Variants in SLC9A9 observed in about 807,000 individuals in gnomAD.
The protein encoded by SLC9A9 is solute carrier family 9 member A9, also known as sodium/hydrogen exchanger 9.
SLC9A9 carries 62 observed loss-of-function variants against 77.8 expected under a neutral mutation model. That is an observed-to-expected ratio of 0.80 (90% CI 0.65 to 0.98). The LOEUF is 0.98. SLC9A9 is among the 50% of genes least tolerant of loss of function. SLC9A9 has a pLI of 0.00. For missense variants in SLC9A9, 775 were observed against 774.9 expected (o/e 1.00, Z 0.00); for synonymous variants, 320 against 283.5 (o/e 1.13, Z -1.29).
At chr3:143,436,987 T>TATTA (rs965281485) in intron 12 of SLC9A9, among the ~76,000 whole-genome samples, 35 of 152,356 alleles carry the variant, frequency 2.3e-4, no homozygotes, top group African/African-American at 7.9e-4. Flanking sequence ...ATTTCCCTGT[T>TATTA]ACATCTCAAA....
intron 4 of SLC9A9, among the ~76,000 whole-genome samples, chr3:143,695,325 TC>T (rs1472062372): frequency 6.6e-6 from 1 of 152,100 alleles, no homozygotes; most frequent in East Asian, 1.9e-4. Context: ...CCTAATGCTG[TC>T]CCTTCCCTAG....
intron 4 of SLC9A9, among the ~76,000 whole-genome samples, chr3:143,703,655 G>A (rs9836173): frequency 0.53 from 80,787 of 151,606 alleles, 21,881 homozygotes; most frequent in Non-Finnish European, 0.57. Context: ...GTATCTTAAC[G>A]AACCAGAAAA....
At chr3:143,477,337 T>TC (rs1399320438) in intron 11 of SLC9A9, among the ~76,000 whole-genome samples, 4 of 143,824 alleles carry the variant, frequency 2.8e-5, no homozygotes, top group Admixed American at 2.8e-4. Flanking sequence ...TCAATTTTTT[T>TC]TTTTTTTTTT....
intron 4 of SLC9A9, among the ~76,000 whole-genome samples, chr3:143,697,714 A>ACACACACC (rs1244265028): frequency 7.1e-6 from 1 of 140,340 alleles, no homozygotes; most frequent in African/African-American, 2.6e-5. Flanking sequence ...ACACACACAC[A>ACACACACC]CCCCACATAC....
intron 4 of SLC9A9, among the ~76,000 whole-genome samples, chr3:143,763,459 T>G (rs576987033): frequency 6.6e-6 from 1 of 152,202 alleles, no homozygotes; most frequent in Non-Finnish European, 1.5e-5. Context: ...TGATGTGTTA[T>G]TTTGTCACTG....
At chr3:143,672,397 A>C (rs898467135) in intron 5 of SLC9A9, among the ~76,000 whole-genome samples, 1 of 152,230 alleles carries the variant, frequency 6.6e-6, no homozygotes, top group Non-Finnish European at 1.5e-5. Context: ...GAACACAATT[A>C]AATATTGAAA....
At chr3:143,606,078 T>C (rs1290374185) in intron 6 of SLC9A9, among the ~76,000 whole-genome samples, 1 of 152,066 alleles carries the variant, frequency 6.6e-6, no homozygotes, top group African/African-American at 2.4e-5. Context: ...CTCATTTCAT[T>C]CTAACATTGT....
At chr3:143,489,148 A>G (rs911141302) in intron 11 of SLC9A9, among the ~76,000 whole-genome samples, 2 of 152,078 alleles carry the variant, frequency 1.3e-5, no homozygotes, top group African/African-American at 4.8e-5. Flanking sequence ...TAGCATCAAA[A>G]ATATTAAAAT....
intron 6 of SLC9A9, among the ~76,000 whole-genome samples, chr3:143,636,630 C>T (rs1466083007): frequency 6.6e-6 from 1 of 152,188 alleles, no homozygotes; most frequent in Non-Finnish European, 1.5e-5. Flanking sequence ...TCCACCCTTC[C>T]ACCTTTTGGA....
chr3:143,720,314 A>G (rs940781933), intron 4 of SLC9A9, among the ~76,000 whole-genome samples: 1 of 151,938 alleles, frequency 6.6e-6, no homozygotes, highest in African/African-American at 2.4e-5. Flanking sequence ...ATTTCTGTCC[A>G]TATAACTATA....
intron 8 of SLC9A9, among the ~76,000 whole-genome samples, chr3:143,573,418 G>A (rs76869763): frequency 6.6e-6 from 1 of 152,182 alleles, no homozygotes; most frequent in African/African-American, 2.4e-5. Context: ...GCACCCAATT[G>A]TTGCAGTAAC....
intron 5 of SLC9A9, among the ~76,000 whole-genome samples, chr3:143,692,110 G>A (rs903404399): frequency 5.9e-5 from 9 of 151,842 alleles, no homozygotes; most frequent in Non-Finnish European, 1.0e-4. Flanking sequence ...AGGGCACTGA[G>A]GAATATTTTA....
At chr3:143,523,531 T>C (rs2036353911) in intron 9 of SLC9A9, among the ~76,000 whole-genome samples, 1 of 152,186 alleles carries the variant, frequency 6.6e-6, no homozygotes, top group Non-Finnish European at 1.5e-5. Context: ...AAGAAAGTGT[T>C]GAGGTGGGAA....
intron 4 of SLC9A9, among the ~76,000 whole-genome samples, chr3:143,753,602 G>A (rs915575330): frequency 2.0e-5 from 3 of 152,180 alleles, no homozygotes; most frequent in Admixed American, 6.5e-5. Context: ...TATCTAGAGG[G>A]TGCTGCAGGG....
At chr3:143,634,854 C>A (rs961190259) in intron 6 of SLC9A9, among the ~76,000 whole-genome samples, 1 of 152,036 alleles carries the variant, frequency 6.6e-6, no homozygotes, top group Non-Finnish European at 1.5e-5. Flanking sequence ...ATTACTCCCT[C>A]CTTTTTGATT....
intron 14 of SLC9A9, among the ~76,000 whole-genome samples, chr3:143,317,771 A>T (rs930981441): frequency 6.6e-6 from 1 of 152,130 alleles, no homozygotes; most frequent in Admixed American, 6.5e-5. Context: ...TCTGTCACCC[A>T]GGCTGGAGTG....
At chr3:143,390,557 A>T (rs1435435347) in intron 12 of SLC9A9, among the ~76,000 whole-genome samples, 1 of 152,180 alleles carries the variant, frequency 6.6e-6, no homozygotes, top group Non-Finnish European at 1.5e-5. Context: ...TGCGTTTCCA[A>T]CTGAGGTACC....
chr3:143,582,459 C>T (rs1417930305), intron 6 of SLC9A9, among the ~76,000 whole-genome samples: 1 of 152,198 alleles, frequency 6.6e-6, no homozygotes, highest in Non-Finnish European at 1.5e-5. Context: ...CTGCTGAGAA[C>T]TTCCACAAGT....
At chr3:143,679,986 C>T (rs939539991) in intron 5 of SLC9A9, among the ~76,000 whole-genome samples, 3 of 151,708 alleles carry the variant, frequency 2.0e-5, no homozygotes, top group Admixed American at 6.6e-5. Context: ...AATGGGAAAC[C>T]TGATTGAGGA....
Sources: allele counts gnomAD v4.1 joint callset (sites outside exome capture counted in the v4.1 genomes callset), GRCh38; gene constraint gnomAD v4.1.1; transcripts MANE v1.5; gene names NCBI Gene and HGNC (gene_info 2026-07-23, HGNC 2026-07-21).